ODAD2: variants seen among roughly 807,000 people sequenced by gnomAD.
The protein encoded by ODAD2 is outer dynein arm docking complex subunit 2.
A neutral mutation model predicts 106.8 loss-of-function variants in ODAD2; 89 were observed. The ratio of observed to expected loss-of-function variants is 0.83; its 90% CI spans 0.70 to 0.99. The LOEUF is 0.99. Among genes scored for constraint, ODAD2 ranks in the 50% least tolerant of loss-of-function variants. The probability of loss-of-function intolerance (pLI) is 0.00; values close to 1 mark genes in which losing one functional copy is unlikely to be tolerated. For missense variants in ODAD2, 1,168 were observed against 1,238.5 expected (o/e 0.94, Z 0.85); for synonymous variants, 404 against 436.2 (o/e 0.93, Z 0.92).
chr10:27,860,044 T>A (rs1839930029), intron 19 of ODAD2, among the ~76,000 whole-genome samples: 1 of 152,214 alleles, frequency 6.6e-6, no homozygotes, highest in South Asian at 2.1e-4. Context: ...CCATATGCTG[T>A]ACATTTTCTT....
At chr10:27,945,538 G>A (rs1380961684) in intron 10 of ODAD2, among the ~76,000 whole-genome samples, 1 of 152,144 alleles carries the variant, frequency 6.6e-6, no homozygotes, top group Non-Finnish European at 1.5e-5. Context: ...GCTTCACTGT[G>A]GTGAGCAAAA....
At chr10:27,936,930 T>A (rs1478389356) in intron 14 of ODAD2, 50 bp from the exon 15 acceptor site, 1 of 1,539,690 alleles carries the variant, frequency 6.5e-7, no homozygotes, top group East Asian at 2.3e-5. Context: ...AATATCAAGC[T>A]TTCAATGATG....
chr10:27,984,414 C>T (rs573497265), intron 4 of ODAD2, 124 bp from the exon 5 acceptor site: 24 of 663,952 alleles, frequency 3.6e-5, no homozygotes, highest in Admixed American at 5.7e-5. Context: ...TAATTTTAGC[C>T]GTGCTATAAT....
chr10:27,945,614 G>T (rs1846854808), intron 10 of ODAD2, among the ~76,000 whole-genome samples: 1 of 152,160 alleles, frequency 6.6e-6, no homozygotes, highest in Non-Finnish European at 1.5e-5. Flanking sequence ...GTAAAGAGTA[G>T]TAGTGAGATG....
At chr10:27,868,656 G>T (rs961525033) in intron 17 of ODAD2, among the ~76,000 whole-genome samples, 2 of 151,994 alleles carry the variant, frequency 1.3e-5, no homozygotes, top group Admixed American at 1.3e-4. Context: ...ACAGGGAAGG[G>T]AATAACACAC....
intron 10 of ODAD2, among the ~76,000 whole-genome samples, chr10:27,953,250 T>C (rs763818488): frequency 1.2e-4 from 19 of 152,354 alleles, no homozygotes; most frequent in Middle Eastern, 6.8e-3. Context: ...GTACAGCAGA[T>C]ATCTGGAACT....
chr10:27,954,820 C>T (rs975669548), intron 10 of ODAD2, among the ~76,000 whole-genome samples: 3 of 152,164 alleles, frequency 2.0e-5, no homozygotes, highest in African/African-American at 4.8e-5. Context: ...AAATAAAACA[C>T]GACAAATTCT....
chr10:27,976,907 C>T (rs1386915632), intron 7 of ODAD2, among the ~76,000 whole-genome samples: 5 of 152,022 alleles, frequency 3.3e-5, no homozygotes, highest in African/African-American at 9.7e-5. Flanking sequence ...ATCAAAGTTA[C>T]AGTATGAAGT....
chr10:27,914,678 GTATGTGTGTGTATATATA>G (rs540908496), intron 16 of ODAD2, among the ~76,000 whole-genome samples: 2,422 of 151,872 alleles, frequency 0.016, 50 homozygotes, highest in African/African-American at 0.047. Context: ...AAATATGTAT[GTATGTGTGTGTATATATA>G]TATGTGTGTG....
At chr10:27,823,150 C>A (rs2132887278) in intron 19 of ODAD2, among the ~76,000 whole-genome samples, 1 of 152,252 alleles carries the variant, frequency 6.6e-6, no homozygotes, top group African/African-American at 2.4e-5. Flanking sequence ...CTGCCCAGGG[C>A]AGAAGCTCAT....
chr10:27,977,400 TAAA>T (rs35313855), intron 7 of ODAD2, among the ~76,000 whole-genome samples: 3 of 135,832 alleles, frequency 2.2e-5, no homozygotes, highest in African/African-American at 2.7e-5. Context: ...CCATTTCTGC[TAAA>T]AAAAAAAAAA....
intron 17 of ODAD2, among the ~76,000 whole-genome samples, chr10:27,873,921 C>T (rs1440460135): frequency 5.9e-5 from 9 of 152,132 alleles, no homozygotes; most frequent in Non-Finnish European, 8.8e-5. Flanking sequence ...TGTTAACTTT[C>T]TGTCTCGTTG....
At chr10:27,916,341 T>C (rs1241208804) in intron 16 of ODAD2, among the ~76,000 whole-genome samples, 1 of 151,998 alleles carries the variant, frequency 6.6e-6, no homozygotes, top group East Asian at 1.9e-4. Context: ...AAGCACAGGG[T>C]GAAGAGAGCA....
At chr10:27,823,625 A>G (rs964544660) in intron 19 of ODAD2, among the ~76,000 whole-genome samples, 2 of 152,188 alleles carry the variant, frequency 1.3e-5, no homozygotes, top group African/African-American at 4.8e-5. Context: ...TGTTATTATT[A>G]TTACTCTTGT....
chr10:27,988,222 G>A (rs1849999962), intron 2 of ODAD2, among the ~76,000 whole-genome samples: 1 of 151,680 alleles, frequency 6.6e-6, no homozygotes, highest in African/African-American at 2.4e-5. Context: ...ATGTTTTCAT[G>A]GAAGTGATAT....
chr10:27,960,888 T>C (rs1415811361), intron 10 of ODAD2, among the ~76,000 whole-genome samples: 1 of 152,166 alleles, frequency 6.6e-6, no homozygotes, highest in Non-Finnish European at 1.5e-5. Context: ...ATATCATCAA[T>C]ACTTAATATC....
At chr10:27,832,459 C>T (rs143673800) in intron 19 of ODAD2, among the ~76,000 whole-genome samples, 81 of 152,238 alleles carry the variant, frequency 5.3e-4, no homozygotes, top group African/African-American at 1.9e-3. Flanking sequence ...TCTCTTGTCC[C>T]TTGTATCGCA....
chr10:27,895,098 C>A, intron 17 of ODAD2, among the ~76,000 whole-genome samples: 1 of 147,706 alleles, frequency 6.8e-6, no homozygotes, highest in African/African-American at 2.5e-5. Flanking sequence ...GCTAAAATTA[C>A]AGGTGATTTT....
intron 19 of ODAD2, among the ~76,000 whole-genome samples, chr10:27,854,638 C>T (rs972037595): frequency 6.6e-6 from 1 of 151,894 alleles, no homozygotes. Flanking sequence ...TGCCTGTAAC[C>T]CCAGCTACTC....
Sources: gnomAD v4.1 joint callset for allele counts (sites outside exome capture counted in the v4.1 genomes callset) on GRCh38, gnomAD v4.1.1 for gene constraint, MANE v1.5 for transcripts, NCBI Gene and HGNC (gene_info 2026-07-23, HGNC 2026-07-21) for gene names.